CEP44: variants seen among roughly 807,000 people sequenced by gnomAD.
CEP44 encodes the protein centrosomal protein 44, also known as centrosomal protein of 44 kDa.
CEP44 carries 45 observed loss-of-function variants against 46.7 expected under a neutral mutation model. The ratio of observed to expected loss-of-function variants is 0.96; its 90% confidence interval spans 0.76 to 1.24. The LOEUF is 1.24. CEP44 is among the 50% of genes most tolerant of loss of function. The probability of loss-of-function intolerance (pLI) is 0.00; values close to 1 mark genes in which losing one functional copy is unlikely to be tolerated. For missense variants in CEP44, 475 were observed against 459.7 expected, an observed-to-expected ratio of 1.03 and a Z score of -0.30; for synonymous variants, 142 against 146.0, an observed-to-expected ratio of 0.97 and a Z score of 0.20.
At chr4:174,298,304 T>C (rs1278931558) in intron 2 of CEP44, among the ~76,000 whole-genome samples, 1 of 148,792 alleles carries the variant, frequency 6.7e-6, no homozygotes, top group Non-Finnish European at 1.5e-5. Context: ...GCCTCCCAAG[T>C]AGCTGGGACT....
Position 174,329,280 on chromosome 4 carries a change from T to G in CEP44, c.1087-2202T>G, listed in dbSNP as rs1167001175. Among the ~76,000 whole-genome samples, 1 of 152,004 alleles carries G rather than the reference T, an allele frequency of 6.6e-6. No homozygotes were observed. Among genetic ancestry groups the G allele is most frequent in the Admixed American group, 6.6e-5 (1 of 15,244 alleles). On this transcript the variant is annotated intron_variant, in intron 8 of 8. Transcript: ENST00000426172. The surrounding 1 kb of genome is among the most constrained non-coding windows in gnomAD (Gnocchi z 4.0). ...CTTTTCCATTTTATTAGGAAGATGA[T>G]TCAGGATGAATAGGAAAATATCATG...
chr4:174,295,885 T>C (rs1221967696), intron 1 of CEP44, among the ~76,000 whole-genome samples: 2 of 152,252 alleles, frequency 1.3e-5, no homozygotes, highest in African/African-American at 4.8e-5. Flanking sequence ...CCTAGTTTGC[T>C]GAGAGTATTT....
rs1429249607 is a variant in CEP44 at position 174,310,880 on chromosome 4, G to T, written c.961+22G>T. 2 of 1,049,736 alleles carry T rather than the reference G, an allele frequency of 1.9e-6. No individual in the cohort carries two copies. The highest frequency in any genetic ancestry group is 1.4e-5 in the South Asian group (1 of 69,594). The allele number at this position is 1,049,736 out of a possible 1,614,324, so 65.0% of individuals were successfully genotyped here. On this transcript the variant is annotated intron_variant, in intron 9 of 11. Coordinates refer to ENST00000503780, the MANE Select transcript of CEP44 (RefSeq NM_001040157.3). The surrounding 1 kb of genome is among the most constrained non-coding windows in gnomAD (Gnocchi z 4.2). ...CCTCGTAAGTTTGTAAATACTATGA[G>T]AATTGGTATGATGAGTTTTCAGAAA...
rs964284510 is a variant in CEP44 at position 174,286,131 on chromosome 4, C to T, written c.-148+2188C>T. Among the ~76,000 whole-genome samples, 1 of 152,096 alleles carries T rather than the reference C, an allele frequency of 6.6e-6. No individual in the cohort carries two copies. Among genetic ancestry groups the T allele is most frequent in the Non-Finnish European group, 1.5e-5 (1 of 68,026 alleles). On this transcript the variant is annotated intron_variant, in intron 1 of 11. Transcript: ENST00000503780. The surrounding 1 kb of genome is among the most constrained non-coding windows in gnomAD (Gnocchi z 5.2). Reference sequence around the variant, plus strand: ...AGTATATTCAATAAGCTGTTGCCTACCATGTTGATAAAGGAGACTAGGAAC... The same window carrying T: ...AGTATATTCAATAAGCTGTTGCCTATCATGTTGATAAAGGAGACTAGGAAC...
intron 6 of CEP44, among the ~76,000 whole-genome samples, chr4:174,308,074 T>C (rs947026873): frequency 2.0e-5 from 3 of 152,098 alleles, no homozygotes; most frequent in Admixed American, 6.6e-5. Flanking sequence ...CTAAAGACCA[T>C]TTGACCCAGC....
rs1737784970 is a variant in CEP44, at chr4:174,288,300, C to T, written c.-148+4357C>T. On this transcript the variant is annotated intron_variant, in intron 1 of 11. Transcript: ENST00000503780. The surrounding 1 kb of genome is among the most constrained non-coding windows in gnomAD (Gnocchi z 4.6). ...CACGTTTTGTGATAAGAGCACTTAA[C>T]ATTAGATCTAACTTCTTAGCAAAAT... Among the ~76,000 whole-genome samples the T allele has an allele frequency of 6.6e-6, 1 of 152,134 alleles. No homozygotes were observed. The highest frequency in any genetic ancestry group is 2.4e-5 in the African/African-American group (1 of 41,428).
At chr4:174,328,951 C>CT (rs111735912) in intron 8 of CEP44, among the ~76,000 whole-genome samples, 23,631 of 151,692 alleles carry the variant, frequency 0.16, 2,119 homozygotes, top group Middle Eastern at 0.31. Flanking sequence ...TTTTCCTTTT[C>CT]TTTTTTTTCT....
At chr4:174,298,237 G>A (rs1405727928) in intron 2 of CEP44, among the ~76,000 whole-genome samples, 175 bp downstream of exon 2, 3 of 144,326 alleles carry the variant, frequency 2.1e-5, no homozygotes, top group African/African-American at 7.7e-5. Flanking sequence ...GTGCAGTGGC[G>A]GGATCTCGGC....
intron 5 of CEP44, among the ~76,000 whole-genome samples, 169 bp from the exon 6 acceptor site, chr4:174,304,076 CAT>C (rs1468202829): frequency 6.6e-6 from 1 of 152,122 alleles, no homozygotes; most frequent in South Asian, 2.1e-4. Context: ...ATAGTTCAAA[CAT>C]AATACATTTT....
chr4:174,327,197 AG>A (rs1742727210), intron 8 of CEP44, among the ~76,000 whole-genome samples: 1 of 149,492 alleles, frequency 6.7e-6, no homozygotes, highest in Admixed American at 6.7e-5. Flanking sequence ...TTAGAGAGAG[AG>A]AGAGAGAGAA....
intron 9 of CEP44, among the ~76,000 whole-genome samples, chr4:174,315,430 G>T (rs904264469): frequency 6.6e-6 from 1 of 151,906 alleles, no homozygotes; most frequent in Admixed American, 6.6e-5. Context: ...GAAATCTGTG[G>T]ATCTTAAATT....
intron 6 of CEP44, 25 bp downstream of exon 6, chr4:174,304,394 ATATTGT>A (rs765999851): frequency 6.2e-7 from 1 of 1,600,192 alleles, no homozygotes; most frequent in African/African-American, 1.4e-5. Context: ...AGAAAATATC[ATATTGT>A]TTAAGAGTTA....
At chr4:174,294,553 G>A (rs1448075205) in intron 1 of CEP44, among the ~76,000 whole-genome samples, 1 of 151,238 alleles carries the variant, frequency 6.6e-6, no homozygotes, top group Non-Finnish European at 1.5e-5. Flanking sequence ...TCAATGAGCT[G>A]TTGGGTACAC....
rs183622236 is a variant in CEP44 at position 174,307,445 on chromosome 4, A to G, written c.508-1244A>G. ...TGAAACTAGACCCTTTCCTTACACCATACACAAAAATCAACTCAAGATGGA... is the reference window on the plus strand; with the variant it reads ...TGAAACTAGACCCTTTCCTTACACCGTACACAAAAATCAACTCAAGATGGA... On this transcript the variant is annotated intron_variant, in intron 6 of 11. Coordinates refer to ENST00000503780, the MANE Select transcript of CEP44 (RefSeq NM_001040157.3). 1.5e-3 allele frequency among the ~76,000 whole-genome samples: 229 copies of G among 152,268 alleles called. 1 individual carries two copies. The highest frequency in any genetic ancestry group is 2.9e-3 in the Non-Finnish European group (195 of 67,988).
At position 174,312,736 on chromosome 4, in the gene CEP44, A is replaced by G. The variant is rs1741224558; in HGVS notation, c.961+1878A>G. On this transcript the variant is annotated intron_variant, in intron 9 of 11. Coordinates refer to ENST00000503780, the MANE Select transcript of CEP44 (RefSeq NM_001040157.3). The surrounding 1 kb of genome is among the most constrained non-coding windows in gnomAD (Gnocchi z 4.5). ...GTTTATGATCTGATCTAGATTAATT[A>G]AAAGACTCAAGTTTATAAAGACTTA... Among the ~76,000 whole-genome samples, 1 of 152,210 alleles carries G rather than the reference A, an allele frequency of 6.6e-6. No homozygotes were observed. The highest frequency in any genetic ancestry group is 6.5e-5 in the Admixed American group (1 of 15,278).
chr4:174,300,437 A>G (rs1286258116), intron 3 of CEP44, among the ~76,000 whole-genome samples: 1 of 152,142 alleles, frequency 6.6e-6, no homozygotes, highest in Non-Finnish European at 1.5e-5. Flanking sequence ...TGAGTAGCCA[A>G]GTCTTCTCCT....
rs116383874 is a variant in CEP44, at chr4:174,310,206, T to C, written c.885+150T>C. ...GTTAGAATGAAGTCCTGTTTAAATA[T>C]AGCCTGTATGTTGTTGTGGCTGTTG... On this transcript the variant is annotated intron_variant, in intron 8 of 11. Transcript: ENST00000503780. This position sits in a 1 kb window ranked among gnomAD's most constrained non-coding sequence, Gnocchi z 4.2. The C allele has an allele frequency of 2.6e-3, 1,831 of 711,262 alleles. 20 individuals carry two copies. In the African/African-American group the frequency reaches 0.027, roughly 10 times the overall value. The allele number at this position is 711,262 out of a possible 1,614,324, so 44.1% of individuals were successfully genotyped here. A position where few individuals can be genotyped will look rare whatever the true frequency, so the allele number is the denominator to read the frequency against.
At chr4:174,304,763 T>G (rs1403298511) in intron 6 of CEP44, among the ~76,000 whole-genome samples, 1 of 151,952 alleles carries the variant, frequency 6.6e-6, no homozygotes, top group Non-Finnish European at 1.5e-5. Context: ...TTATGTACAT[T>G]ATATTTCTGT....
rs1731293112 is a variant in CEP44, at chr4:174,331,030, G to A, written c.1087-452G>A. Among the ~76,000 whole-genome samples, 1 of 152,082 alleles carries A rather than the reference G, an allele frequency of 6.6e-6. No individual in the cohort carries two copies. The highest frequency in any genetic ancestry group is 1.5e-5 in the Non-Finnish European group (1 of 68,010). On this transcript the variant is annotated intron_variant, in intron 8 of 8. Transcript: ENST00000426172. The surrounding 1 kb of genome is among the most constrained non-coding windows in gnomAD (Gnocchi z 4.5). ...GGATGTGCTTTCAGGATATGCAGTG[G>A]TTAAGGCACTTGATATCTACTGATG...
Sources: gnomAD v4.1 joint callset for allele counts (sites outside exome capture counted in the v4.1 genomes callset) on GRCh38, gnomAD v4.1.1 for gene constraint, Gnocchi (gnomAD v3.1) non-coding constraint, MANE v1.5 for transcripts, NCBI Gene and HGNC (gene_info 2026-07-23, HGNC 2026-07-21) for gene names.